Variants in PTK2 observed in about 807,000 individuals in gnomAD.
PTK2 encodes the protein protein tyrosine kinase 2.
PTK2 carries 45 observed loss-of-function variants against 150.1 expected under a neutral mutation model. That is an observed-to-expected ratio of 0.30 (90% confidence interval 0.24 to 0.38). The LOEUF is 0.38. Among genes scored for constraint, PTK2 ranks in the 10% least tolerant of loss-of-function variants. PTK2 has a pLI of 1.00. For synonymous variants in PTK2, 432 were observed against 449.2 expected (o/e 0.96, Z 0.48); for missense variants, 919 against 1,307.3 (o/e 0.70, Z 4.58).
At chr8:140,899,631 G>A (rs2100157652) in intron 2 of PTK2, among the ~76,000 whole-genome samples, 2 of 151,944 alleles carry the variant, frequency 1.3e-5, no homozygotes, top group Non-Finnish European at 2.9e-5. Flanking sequence ...AACAAAACCA[G>A]ACAACAATGC....
intron 1 of PTK2, among the ~76,000 whole-genome samples, chr8:140,942,850 G>A (rs1028456700): frequency 1.3e-5 from 2 of 152,184 alleles, no homozygotes; most frequent in Non-Finnish European, 1.5e-5. Flanking sequence ...CTGGTAGGAG[G>A]TGTTTGGATC....
At chr8:140,701,204 C>G (rs1303185705) in intron 25 of PTK2, among the ~76,000 whole-genome samples, 182 bp from the exon 29 acceptor site, 1 of 152,142 alleles carries the variant, frequency 6.6e-6, no homozygotes, top group Non-Finnish European at 1.5e-5. Flanking sequence ...CATCAAGCAT[C>G]TTTAAAAAGT....
intron 23 of PTK2, among the ~76,000 whole-genome samples, chr8:140,710,147 G>C (rs2100035985): frequency 6.6e-6 from 1 of 151,286 alleles, no homozygotes; most frequent in African/African-American, 2.4e-5. Flanking sequence ...AAAAAAATAT[G>C]AGAAGATTTT....
At chr8:140,927,898 T>C (rs1040697602) in intron 1 of PTK2, among the ~76,000 whole-genome samples, 11 of 138,234 alleles carry the variant, frequency 8.0e-5, no homozygotes, top group South Asian at 2.3e-4. Flanking sequence ...TGAGCCGAGA[T>C]TGTCCAGCCT....
At chr8:140,694,674 A>G (rs1447276554) in intron 26 of PTK2, among the ~76,000 whole-genome samples, 1 of 152,196 alleles carries the variant, frequency 6.6e-6, no homozygotes, top group East Asian at 1.9e-4. Context: ...GGCCTAGCTC[A>G]TGCCAAAGGC....
At chr8:140,961,530 C>T (rs190199013) in intron 1 of PTK2, among the ~76,000 whole-genome samples, 2 of 151,858 alleles carry the variant, frequency 1.3e-5, no homozygotes, top group Non-Finnish European at 2.9e-5. Context: ...GGCGTGGTGG[C>T]GGGCACCTGT....
intron 22 of PTK2, among the ~76,000 whole-genome samples, chr8:140,731,470 C>CA (rs1387386349): frequency 6.6e-6 from 1 of 152,122 alleles, no homozygotes; most frequent in Non-Finnish European, 1.5e-5. Flanking sequence ...AATAAGTAAA[C>CA]AGGATGTAGG....
chr8:140,744,870 A>G (rs917533338), intron 18 of PTK2, 103 bp from the exon 22 acceptor site: 8 of 554,094 alleles, frequency 1.4e-5, no homozygotes, highest in Admixed American at 3.1e-5. Context: ...TGCTGTTTTC[A>G]ATGCATTTTT....
At chr8:140,837,068 C>T (rs954490973) in intron 7 of PTK2, among the ~76,000 whole-genome samples, 6 of 152,152 alleles carry the variant, frequency 3.9e-5, no homozygotes, top group Non-Finnish European at 2.9e-5. Flanking sequence ...CTTTTAAAGG[C>T]TAACGAAAAA....
chr8:140,830,677 T>C, intron 7 of PTK2, 151 bp from the exon 8 acceptor site: 1 of 523,270 alleles, frequency 1.9e-6, no homozygotes. Context: ...AATTTACCAG[T>C]ATATTCACAG....
chr8:140,781,045 G>C (rs1005178461), intron 14 of PTK2, among the ~76,000 whole-genome samples: 1 of 152,070 alleles, frequency 6.6e-6, no homozygotes, highest in Non-Finnish European at 1.5e-5. Flanking sequence ...TCTTTGTAAA[G>C]GCATCAAAAA....
At chr8:140,666,552 A>C (rs1030966137) in intron 30 of PTK2, among the ~76,000 whole-genome samples, 1 of 152,222 alleles carries the variant, frequency 6.6e-6, no homozygotes, top group South Asian at 2.1e-4. Context: ...CTTCACATCC[A>C]TTAGGATGAC....
intron 14 of PTK2, among the ~76,000 whole-genome samples, chr8:140,772,506 G>C (rs138149157): frequency 2.6e-5 from 4 of 152,318 alleles, no homozygotes; most frequent in African/African-American, 9.6e-5. Context: ...GAAAGATCAG[G>C]AAGCAACAGC....
chr8:140,773,279 C>T (rs1267794571), intron 14 of PTK2, among the ~76,000 whole-genome samples: 1 of 152,198 alleles, frequency 6.6e-6, no homozygotes, highest in East Asian at 1.9e-4. Flanking sequence ...CTGCCATAAA[C>T]TAGGCATACC....
intron 21 of PTK2, among the ~76,000 whole-genome samples, chr8:140,736,767 A>C (rs1338741392): frequency 6.6e-6 from 1 of 152,286 alleles, no homozygotes; most frequent in East Asian, 1.9e-4. Context: ...TTGTAGGTAC[A>C]TTTGTAATGT....
chr8:140,963,240 C>T (rs1308411272), intron 1 of PTK2, among the ~76,000 whole-genome samples: 1 of 152,154 alleles, frequency 6.6e-6, no homozygotes, highest in East Asian at 1.9e-4. Flanking sequence ...ATACTCTGTG[C>T]TAAGAGTCTT....
intron 15 of PTK2, among the ~76,000 whole-genome samples, chr8:140,762,601 T>C (rs2100069992): frequency 1.3e-5 from 2 of 152,218 alleles, no homozygotes. Flanking sequence ...TGCTTTTAAG[T>C]TCCTATCTCA....
chr8:140,767,467 TA>T (rs2100072988), intron 14 of PTK2, among the ~76,000 whole-genome samples: 1 of 152,100 alleles, frequency 6.6e-6, no homozygotes, highest in African/African-American at 2.4e-5. Flanking sequence ...TGTATGGTAA[TA>T]TCTGGTGTAT....
chr8:140,819,532 G>A (rs1230380563), intron 8 of PTK2, among the ~76,000 whole-genome samples: 1 of 152,216 alleles, frequency 6.6e-6, no homozygotes, highest in Non-Finnish European at 1.5e-5. Flanking sequence ...ACTGTTTACA[G>A]TAATAGAGAG....
Sources: allele counts gnomAD v4.1 joint callset (sites outside exome capture counted in the v4.1 genomes callset), GRCh38; gene constraint gnomAD v4.1.1; transcripts MANE v1.5; gene names NCBI Gene and HGNC (gene_info 2026-07-23, HGNC 2026-07-21).